Variants in PGR observed in about 807,000 individuals in gnomAD.
PGR encodes the protein progesterone receptor, also known as nuclear receptor subfamily 3 group C member 3.
Under a neutral mutation model 76.1 loss-of-function variants are expected in PGR, and 25 were observed. The observed-to-expected ratio is 0.33, with a 90% CI of 0.24 to 0.46. The LOEUF (loss-of-function observed/expected upper bound fraction) is 0.46, where lower values mean the gene tolerates loss of function less well. Among genes scored for constraint, PGR ranks in the 20% least tolerant of loss-of-function variants. PGR has a pLI of 1.00. For missense variants in PGR, 1,172 were observed against 1,225.3 expected (o/e 0.96, Z 0.65); for synonymous variants, 579 against 535.0 (o/e 1.08, Z -1.14).
In PGR at chr11:101,128,543, G is replaced by T; in HGVS notation, c.528C>A (p.Ser176=). The stretch of plus-strand genomic sequence containing the variant: ...GCACTTTATGGGCAGCTGCCGTCCC[G>T]GAGCTGTCTCCAACCTTGCACCCGG... ...SRSGCKVGDS[S]GTAAAHKVLP... Residue 176 remains serine (S), a synonymous_variant, in exon 1 of 8, where the codon TCC becomes TCA. Coordinates refer to ENST00000325455, the MANE Select transcript of PGR (RefSeq NM_000926.4). 6 of 1,599,220 alleles carry T rather than the reference G, an allele frequency of 3.8e-6. No individual in the cohort carries two copies. The highest frequency in any genetic ancestry group is 5.1e-6 in the Non-Finnish European group (6 of 1,176,166).
In PGR at chr11:101,091,869, G is replaced by A. The variant is rs1324896852; in HGVS notation, c.1797C>T (p.His599=). ...VFFKRAMEGQ[H]NYLCAGRNDC... ...CATTTCTTCCAGCACATAAGTAGTT[G>A]TGCTGCCCTAAAAAAACAAAATGAG... Residue 599 remains histidine (H), a synonymous_variant, in exon 3 of 8, where the codon CAC becomes CAT. Transcript: ENST00000325455. 6.3e-7 allele frequency: 1 copy of A among 1,580,458 alleles called. No individual in the cohort carries two copies.
chr11:101,081,303 C>A (rs919268082), intron 3 of PGR, among the ~76,000 whole-genome samples: 2 of 151,988 alleles, frequency 1.3e-5, no homozygotes, highest in African/African-American at 2.4e-5. Flanking sequence ...GTGGCAGGCA[C>A]CTGTAATCCC....
intron 2 of PGR, among the ~76,000 whole-genome samples, chr11:101,105,293 G>C (rs1216013553): frequency 6.6e-6 from 1 of 152,066 alleles, no homozygotes; most frequent in Non-Finnish European, 1.5e-5. Flanking sequence ...CTTCTAAGTC[G>C]AGGGCAGACT....
At chr11:101,088,034 A>AT (rs1301781609) in intron 3 of PGR, among the ~76,000 whole-genome samples, 3 of 151,954 alleles carry the variant, frequency 2.0e-5, no homozygotes, top group Non-Finnish European at 4.4e-5. Context: ...TTACAAAAAA[A>AT]AAATAAATAA....
chr11:101,126,647 A>G (rs896039173), intron 1 of PGR, among the ~76,000 whole-genome samples: 3 of 152,206 alleles, frequency 2.0e-5, no homozygotes, highest in Non-Finnish European at 2.9e-5. Flanking sequence ...ATTTTAAAGT[A>G]TTGTCCAATA....
chr11:101,114,614 T>G (rs1862443850), intron 2 of PGR, among the ~76,000 whole-genome samples: 1 of 152,146 alleles, frequency 6.6e-6, no homozygotes, highest in Non-Finnish European at 1.5e-5. Context: ...CCTTCCTAAA[T>G]ACTACTTTCA....
At chr11:101,097,392 T>C (rs694070) in intron 2 of PGR, among the ~76,000 whole-genome samples, 44,255 of 152,048 alleles carry the variant, frequency 0.29, 6,648 homozygotes, top group Non-Finnish European at 0.31. Flanking sequence ...GCTTTAGACA[T>C]TTCTTCTGTG....
At position 101,128,105 on chromosome 11, in the gene PGR, C is replaced by T. The variant is rs1433882081; in HGVS notation, c.966G>A (p.Gln322=). The part of the protein sequence containing the change: ...NHALLAARTR[Q]LLEDESYDGG... Reference sequence around the variant, plus strand: ...CGTCGTAACTTTCGTCTTCCAGCAGCTGCCGAGTGCGGGCTGCCAATAAGG... The same window carrying T: ...CGTCGTAACTTTCGTCTTCCAGCAGTTGCCGAGTGCGGGCTGCCAATAAGG... Residue 322 remains glutamine, a synonymous_variant, in exon 1 of 8, where the codon CAG becomes CAA. Coordinates refer to ENST00000325455, the MANE Select transcript of PGR (RefSeq NM_000926.4). 2 of 1,599,064 alleles carry T rather than the reference C, an allele frequency of 1.3e-6. No homozygotes were observed. The highest frequency in any genetic ancestry group is 4.5e-5 in the East Asian group (2 of 44,788).
intron 3 of PGR, among the ~76,000 whole-genome samples, chr11:101,071,792 G>T (rs921792027): frequency 6.6e-6 from 1 of 151,964 alleles, no homozygotes; most frequent in African/African-American, 2.4e-5. Context: ...AGAATGAAAA[G>T]GAACAAACAA....
chr11:101,056,805 C>T (rs1860311983), intron 4 of PGR, among the ~76,000 whole-genome samples: 1 of 152,100 alleles, frequency 6.6e-6, no homozygotes, highest in African/African-American at 2.4e-5. Context: ...TATCTCAGCA[C>T]CTTCTGACAC....
At chr11:101,098,210 C>T (rs577566941) in intron 2 of PGR, among the ~76,000 whole-genome samples, 5 of 151,024 alleles carry the variant, frequency 3.3e-5, no homozygotes, top group African/African-American at 9.9e-5. Context: ...AATAAAATAT[C>T]TTTATTAGGA....
chr11:101,067,154 C>T (rs1860750189), intron 3 of PGR, among the ~76,000 whole-genome samples: 1 of 152,172 alleles, frequency 6.6e-6, no homozygotes, highest in Non-Finnish European at 1.5e-5. Flanking sequence ...GGGTCTTACA[C>T]TGACAAGTTC....
chr11:101,045,290 A>T (rs2135384698), intron 6 of PGR, among the ~76,000 whole-genome samples: 1 of 152,290 alleles, frequency 6.6e-6, no homozygotes, highest in Non-Finnish European at 1.5e-5. Flanking sequence ...GTACATCTAT[A>T]TGTATATCTA....
intron 3 of PGR, among the ~76,000 whole-genome samples, chr11:101,079,849 C>T (rs1029050866): frequency 6.6e-6 from 1 of 152,188 alleles, no homozygotes; most frequent in Non-Finnish European, 1.5e-5. Flanking sequence ...TCATTTACCC[C>T]TCCTGTGTAG....
chr11:101,053,631 CCTCCTTTCTTCCCTCCCCTTTTCCCT>C (rs1860182084), intron 4 of PGR, among the ~76,000 whole-genome samples: 1 of 127,330 alleles, frequency 7.9e-6, no homozygotes, highest in Non-Finnish European at 1.7e-5. Context: ...TCCCCTTCTT[CCTCCTTTCTTCCCTCCCCTTTTCCCT>C]CCTTTCTTTC....
intron 2 of PGR, among the ~76,000 whole-genome samples, chr11:101,125,474 G>C (rs903840216): frequency 6.6e-6 from 1 of 152,048 alleles, no homozygotes; most frequent in Non-Finnish European, 1.5e-5. Flanking sequence ...TCAAAAATTT[G>C]TTTAGAATTA....
At chr11:101,075,664 G>A (rs1238985186) in intron 3 of PGR, among the ~76,000 whole-genome samples, 2 of 146,578 alleles carry the variant, frequency 1.4e-5, no homozygotes, top group East Asian at 2.0e-4. Context: ...AGTGGGCAAA[G>A]GATATGAACA....
At chr11:101,046,524 T>C (rs572402) in intron 6 of PGR, among the ~76,000 whole-genome samples, 42,158 of 151,338 alleles carry the variant, frequency 0.28, 6,149 homozygotes, top group African/African-American at 0.38. Context: ...ATTTATATTT[T>C]CATATTTAAT....
chr11:101,031,472 C>T lies in PGR; in HGVS notation c.*7644G>A, dbSNP rs188799198. On this transcript the variant is annotated 3_prime_UTR_variant, in exon 8 of 8. Transcript: ENST00000325455. ...AAGAAGGCTCTTTTAGATGAAAAAA[C>T]ATGGATAGATTATTAAGCGCCAAGT... 8 of 228,972 alleles carry T rather than the reference C, an allele frequency of 3.5e-5. No homozygotes were observed. In the Admixed American group the frequency reaches 4.5e-4, roughly 13 times the overall value. The allele number at this position is 228,972 out of a possible 1,614,324, so 14.2% of individuals were successfully genotyped here.
Sources: allele counts gnomAD v4.1 joint callset (sites outside exome capture counted in the v4.1 genomes callset), GRCh38; gene constraint gnomAD v4.1.1; transcripts MANE v1.5; gene names NCBI Gene and HGNC (gene_info 2026-07-23, HGNC 2026-07-21).